Variants in DOCK3 observed in about 807,000 individuals in gnomAD.
DOCK3 encodes the protein dedicator of cytokinesis protein 3.
Under a neutral mutation model 265.6 loss-of-function variants are expected in DOCK3, and 60 were observed. The observed-to-expected ratio is 0.23, with a 90% CI of 0.18 to 0.28. The LOEUF is 0.28. Among genes scored for constraint, DOCK3 ranks in the 10% least tolerant of loss-of-function variants. DOCK3 has a pLI of 1.00. For synonymous variants in DOCK3, 881 were observed against 938.0 expected (o/e 0.94, Z 1.11); for missense variants, 1,981 against 2,594.3 (o/e 0.76, Z 5.14).
At chr3:51,305,735 C>T (rs1480356) in intron 27 of DOCK3, among the ~76,000 whole-genome samples, 116,551 of 137,542 alleles carry the variant, frequency 0.85, 48,882 homozygotes, top group Middle Eastern at 0.9. Flanking sequence ...TGTGTGTGCG[C>T]GTGTGTGTGT....
chr3:51,232,124 ACT>A (rs996657632), intron 19 of DOCK3, among the ~76,000 whole-genome samples: 18 of 150,014 alleles, frequency 1.2e-4, no homozygotes, highest in South Asian at 6.3e-4. Context: ...CAATTGTTAC[ACT>A]CTCTTTTTTA....
At chr3:51,139,860 G>T (rs1576211709) in intron 9 of DOCK3, among the ~76,000 whole-genome samples, 1 of 152,312 alleles carries the variant, frequency 6.6e-6, no homozygotes, top group African/African-American at 2.4e-5. Flanking sequence ...AAAACAACAT[G>T]CACAAAGGTC....
intron 9 of DOCK3, among the ~76,000 whole-genome samples, chr3:51,146,225 G>A (rs2085295069): frequency 6.6e-6 from 1 of 152,210 alleles, no homozygotes; most frequent in East Asian, 1.9e-4. Context: ...TTCGCATCAT[G>A]CTGTTGTTTT....
At chr3:51,013,089 C>T (rs780292158) in intron 5 of DOCK3, among the ~76,000 whole-genome samples, 15 of 152,084 alleles carry the variant, frequency 9.9e-5, no homozygotes, top group African/African-American at 2.9e-4. Flanking sequence ...GCAATGGGTT[C>T]GAACATCCTC....
intron 5 of DOCK3, among the ~76,000 whole-genome samples, chr3:51,030,965 TG>T (rs1466800097): frequency 6.6e-6 from 1 of 152,196 alleles, no homozygotes; most frequent in African/African-American, 2.4e-5. Context: ...CTTCTTTCCT[TG>T]ATCTTTGCTT....
intron 5 of DOCK3, among the ~76,000 whole-genome samples, chr3:51,008,334 C>A (rs2078775738): frequency 6.6e-6 from 1 of 152,054 alleles, no homozygotes; most frequent in Non-Finnish European, 1.5e-5. Flanking sequence ...TGAAGAGGTC[C>A]TTCACATCCC....
chr3:51,251,392 G>A (rs2108649083), intron 22 of DOCK3, among the ~76,000 whole-genome samples: 1 of 152,344 alleles, frequency 6.6e-6, no homozygotes, highest in East Asian at 1.9e-4. Flanking sequence ...CCAGTAATGG[G>A]ATGGCTTGGG....
intron 2 of DOCK3, among the ~76,000 whole-genome samples, chr3:50,788,832 A>AG (rs1263801403): frequency 6.6e-6 from 1 of 152,246 alleles, no homozygotes; most frequent in Non-Finnish European, 1.5e-5. Flanking sequence ...ATGTACGTGC[A>AG]GGGAGGGAGG....
At chr3:51,060,568 G>A (rs1438377742) in intron 5 of DOCK3, among the ~76,000 whole-genome samples, 1 of 152,102 alleles carries the variant, frequency 6.6e-6, no homozygotes. Context: ...ATTAATTTTT[G>A]TATAAGGTGT....
At chr3:51,221,845 T>C (rs989684596) in intron 14 of DOCK3, among the ~76,000 whole-genome samples, 16 of 152,096 alleles carry the variant, frequency 1.1e-4, no homozygotes, top group Non-Finnish European at 1.9e-4. Context: ...CCCTCAGAAA[T>C]ACCTACTCCT....
intron 5 of DOCK3, among the ~76,000 whole-genome samples, chr3:50,996,322 A>G (rs1477217770): frequency 1.3e-5 from 2 of 149,930 alleles, no homozygotes; most frequent in East Asian, 2.0e-4. Flanking sequence ...GGTTCATGCC[A>G]TTCTCCTGCC....
intron 7 of DOCK3, among the ~76,000 whole-genome samples, chr3:51,087,856 CA>C (rs1045627594): frequency 2.0e-5 from 3 of 151,952 alleles, no homozygotes; most frequent in Non-Finnish European, 4.4e-5. Flanking sequence ...TCCCAAAAAA[CA>C]AAACAGAACC....
chr3:51,336,996 A>G (rs2084917399), intron 35 of DOCK3: 1 of 419,634 alleles, frequency 2.4e-6, no homozygotes, highest in Admixed American at 2.7e-5. Flanking sequence ...CCTCAGCCTC[A>G]CTCCTCGAAA....
At chr3:50,934,744 A>G (rs546786919) in intron 5 of DOCK3, among the ~76,000 whole-genome samples, 1 of 152,290 alleles carries the variant, frequency 6.6e-6, no homozygotes, top group Non-Finnish European at 1.5e-5. Flanking sequence ...TCTCTTAAAA[A>G]AAAAAAAGTA....
intron 9 of DOCK3, among the ~76,000 whole-genome samples, chr3:51,139,408 C>A (rs547261586): frequency 6.6e-6 from 1 of 152,152 alleles, no homozygotes; most frequent in Non-Finnish European, 1.5e-5. Flanking sequence ...TGTGCTATCT[C>A]ATTTGCTCCC....
chr3:51,010,178 A>G (rs1404218476), intron 5 of DOCK3, among the ~76,000 whole-genome samples: 1 of 151,862 alleles, frequency 6.6e-6, no homozygotes, highest in Admixed American at 6.6e-5. Context: ...ATCCTTGTTA[A>G]TTTTCTGTCT....
At chr3:50,873,107 T>C (rs1394114271) in intron 3 of DOCK3, among the ~76,000 whole-genome samples, 1 of 152,180 alleles carries the variant, frequency 6.6e-6, no homozygotes, top group East Asian at 1.9e-4. Context: ...GGCAGAAGGC[T>C]TGCCCGGTAG....
chr3:50,801,397 C>T (rs1484401320), intron 2 of DOCK3, among the ~76,000 whole-genome samples: 1 of 151,660 alleles, frequency 6.6e-6, no homozygotes, highest in Non-Finnish European at 1.5e-5. Context: ...TGGAATGAGT[C>T]AGGGTGGAGC....
rs375200146 is a variant in DOCK3 at position 50,781,529 on chromosome 3, C to A, written c.121+2771C>A. On this transcript the variant is annotated intron_variant, in intron 2 of 52. Coordinates refer to ENST00000266037, the MANE Select transcript of DOCK3 (RefSeq NM_004947.5). ...GCTCAAGTGATCTGCCCACCTCAGCCTTCCAAAATGCTGAAATTAGAGGCA... is the reference window on the plus strand; with the variant it reads ...GCTCAAGTGATCTGCCCACCTCAGCATTCCAAAATGCTGAAATTAGAGGCA... Among the ~76,000 whole-genome samples the A allele has an allele frequency of 4.6e-5, 7 of 152,126 alleles. 1 individual carries two copies. In the Middle Eastern group the frequency reaches 0.01, roughly 222 times the overall value.
Sources: gnomAD v4.1 joint callset for allele counts (sites outside exome capture counted in the v4.1 genomes callset) on GRCh38, gnomAD v4.1.1 for gene constraint, MANE v1.5 for transcripts, NCBI Gene and HGNC (gene_info 2026-07-23, HGNC 2026-07-21) for gene names.